The following PSMA1 variants were observed in gnomAD, a reference collection of about 807,000 sequenced individuals.
PSMA1 encodes proteasome 20S subunit alpha 1.
A neutral mutation model predicts 38.4 loss-of-function variants in PSMA1; 3 were observed. That is an observed-to-expected ratio of 0.08 (90% CI 0.04 to 0.20). The LOEUF is 0.20. PSMA1 is among the 10% of genes least tolerant of loss of function. The pLI, the probability that PSMA1 is intolerant of heterozygous loss-of-function variation, is 1.00. For missense variants in PSMA1, 227 were observed against 325.3 expected, an observed-to-expected ratio of 0.70 and a Z score of 2.32; for synonymous variants, 101 against 107.1, an observed-to-expected ratio of 0.94 and a Z score of 0.35.
At chr11:14,581,034 C>G (rs946123209) in intron 2 of PSMA1, among the ~76,000 whole-genome samples, 1 of 151,962 alleles carries the variant, frequency 6.6e-6, no homozygotes, top group Non-Finnish European at 1.5e-5. Flanking sequence ...TGGGATGAAT[C>G]GAGGGAAAGA....
chr11:14,606,716 T>A (rs186068955), intron 2 of PSMA1, among the ~76,000 whole-genome samples: 3 of 152,352 alleles, frequency 2.0e-5, no homozygotes, highest in Admixed American at 6.5e-5. Context: ...TTCTGACATT[T>A]ATTAGCTGTA....
At chr11:14,521,313 T>G (rs144733320), upstream of PSMA1, among the ~76,000 whole-genome samples, 1,385 of 80,518 alleles carry the variant, frequency 0.017, 21 homozygotes, top group African/African-American at 0.049. Context: ...ATAATAAGAA[T>G]AAGAATAAGA....
intron 2 of PSMA1, among the ~76,000 whole-genome samples, chr11:14,549,431 G>T (rs1851862214): frequency 6.6e-6 from 1 of 152,090 alleles, no homozygotes; most frequent in Non-Finnish European, 1.5e-5. Context: ...GCCGGGCGTG[G>T]TGGCTCATGC....
intron 2 of PSMA1, among the ~76,000 whole-genome samples, chr11:14,526,723 C>T (rs1851589549): frequency 6.6e-6 from 1 of 152,166 alleles, no homozygotes; most frequent in South Asian, 2.1e-4. Flanking sequence ...CACCTGACCC[C>T]CATGACTGTA....
intron 2 of PSMA1, among the ~76,000 whole-genome samples, chr11:14,544,710 C>A (rs933666353): frequency 1.3e-5 from 2 of 152,136 alleles, no homozygotes; most frequent in African/African-American, 4.8e-5. Flanking sequence ...GAAATTGAAA[C>A]CCTCAAACCA....
chr11:14,591,091 G>A (rs1311866785), intron 2 of PSMA1, among the ~76,000 whole-genome samples: 1 of 152,234 alleles, frequency 6.6e-6, no homozygotes, highest in Non-Finnish European at 1.5e-5. Flanking sequence ...CCGGGGCTGC[G>A]TGCAGCGCTT....
At chr11:14,563,785 C>A (rs76516781) in intron 2 of PSMA1, among the ~76,000 whole-genome samples, 6,051 of 152,208 alleles carry the variant, frequency 0.04, 183 homozygotes, top group Middle Eastern at 0.068. Flanking sequence ...TTCCCTATTT[C>A]TGATGCAAAT....
chr11:14,588,507 G>C (rs1420906959), intron 2 of PSMA1, among the ~76,000 whole-genome samples: 1 of 152,186 alleles, frequency 6.6e-6, no homozygotes, highest in East Asian at 1.9e-4. Flanking sequence ...TGTAACTTAA[G>C]AAAGAAAAAA....
At chr11:14,551,163 T>G (rs1407171621) in intron 2 of PSMA1, among the ~76,000 whole-genome samples, 1 of 152,220 alleles carries the variant, frequency 6.6e-6, no homozygotes, top group African/African-American at 2.4e-5. Flanking sequence ...ATTTTTGATG[T>G]ATAATTATTT....
At chr11:14,628,491 T>C (rs1852948915) in intron 1 of PSMA1, among the ~76,000 whole-genome samples, 1 of 151,084 alleles carries the variant, frequency 6.6e-6, no homozygotes, top group Admixed American at 6.6e-5. Flanking sequence ...ACAAAGGACA[T>C]GAACTCATCC....
intron 2 of PSMA1, among the ~76,000 whole-genome samples, chr11:14,590,053 T>C (rs1484374451): frequency 6.6e-6 from 1 of 152,196 alleles, no homozygotes; most frequent in African/African-American, 2.4e-5. Context: ...ACAACATGGA[T>C]GAACCTTGAG....
At chr11:14,532,906 A>T (rs545888179) in intron 2 of PSMA1, among the ~76,000 whole-genome samples, 73 of 150,854 alleles carry the variant, frequency 4.8e-4, no homozygotes, top group African/African-American at 6.5e-4. Flanking sequence ...AAAAAAATTT[A>T]AAAAAAATCT....
At chr11:14,593,659 AGAGC>A (rs1213158512) in intron 2 of PSMA1, among the ~76,000 whole-genome samples, 4 of 131,732 alleles carry the variant, frequency 3.0e-5, no homozygotes, top group Admixed American at 7.4e-5. Flanking sequence ...AGAGAGAGAG[AGAGC>A]GCCAGCCCTA....
chr11:14,598,726 C>G (rs1033709218), intron 2 of PSMA1, among the ~76,000 whole-genome samples: 5 of 149,976 alleles, frequency 3.3e-5, no homozygotes, highest in Admixed American at 6.7e-5. Context: ...TTAATTGGAG[C>G]ATTTAGCCCA....
chr11:14,564,866 C>T (rs1213212434), intron 2 of PSMA1, among the ~76,000 whole-genome samples: 1 of 151,858 alleles, frequency 6.6e-6, no homozygotes, highest in Non-Finnish European at 1.5e-5. Flanking sequence ...GCAGTTCAAC[C>T]TCCTAGGCTC....
intron 1 of PSMA1, among the ~76,000 whole-genome samples, chr11:14,635,205 T>A (rs1853096422): frequency 6.6e-6 from 1 of 152,244 alleles, no homozygotes; most frequent in South Asian, 2.1e-4. Context: ...AGTTTACTGG[T>A]TAAAGAGCCA....
intron 1 of PSMA1, among the ~76,000 whole-genome samples, chr11:14,631,766 T>G (rs2133720105): frequency 6.6e-6 from 1 of 152,256 alleles, no homozygotes; most frequent in South Asian, 2.1e-4. Context: ...GACATTGGGG[T>G]GTTAAAATCT....
At chr11:14,513,336 G>A in intron 7 of PSMA1, 1 of 376,150 alleles carries the variant, frequency 2.7e-6, no homozygotes, top group Non-Finnish European at 4.4e-6. Context: ...TTCAAGGTTG[G>A]GAACACATTT....
At chr11:14,556,013 G>A (rs1048188008) in intron 2 of PSMA1, among the ~76,000 whole-genome samples, 3 of 152,010 alleles carry the variant, frequency 2.0e-5, no homozygotes, top group African/African-American at 7.3e-5. Flanking sequence ...TTCCTTGTCC[G>A]GCTCTGGTCT....
Sources: allele counts gnomAD v4.1 joint callset (sites outside exome capture counted in the v4.1 genomes callset), GRCh38; gene constraint gnomAD v4.1.1; transcripts MANE v1.5; gene names NCBI Gene and HGNC (gene_info 2026-07-23, HGNC 2026-07-21).